The following PRR14L variants were observed in gnomAD, a reference collection of about 807,000 sequenced individuals.
PRR14L encodes the protein proline rich 14 like.
In PRR14L, 80 loss-of-function variants were observed where a neutral mutation model predicts 155.0. That is an observed-to-expected ratio of 0.52 (90% CI 0.43 to 0.62). The LOEUF (loss-of-function observed/expected upper bound fraction) is 0.62. Ranked by LOEUF, PRR14L falls within the 20% of genes least tolerant of loss-of-function variation. The pLI, the probability that PRR14L is intolerant of heterozygous loss-of-function variation, is 0.00. For missense variants in PRR14L, 2,469 were observed against 2,548.0 expected (o/e 0.97, Z 0.67); for synonymous variants, 883 against 916.0 (o/e 0.96, Z 0.65).
chr22:31,701,893 G>C (rs1786805677), intron 6 of PRR14L, 131 bp from the exon 7 acceptor site: 3 of 638,888 alleles, frequency 4.7e-6, no homozygotes, highest in South Asian at 4.3e-5. Flanking sequence ...CTGCAGCCTT[G>C]AATTCCTGGA....
At chr22:31,701,400 C>T (rs987774362) in intron 7 of PRR14L, among the ~76,000 whole-genome samples, 2 of 152,164 alleles carry the variant, frequency 1.3e-5, no homozygotes, top group Non-Finnish European at 2.9e-5. Context: ...CTGTGACACA[C>T]AGAAATCACA....
At position 31,716,191 on chromosome 22, in the gene PRR14L, T is replaced by G; in HGVS notation, c.1648A>C (p.Asn550His). 6.4e-7 allele frequency: 1 copy of G among 1,551,446 alleles called. No individual in the cohort carries two copies. The highest frequency in any genetic ancestry group is 8.7e-7 in the Non-Finnish European group (1 of 1,146,798). ...TTTAACTGGGTGTTGCCTTCCAGAT[T>G]TCTCTGGATGCTGACTAAGGAGTTA... Reference protein sequence around the residue: ...DCNSLVSIQRNLEGNTQLNEA... With the variant: ...DCNSLVSIQRHLEGNTQLNEA... Residue 550 changes from asparagine (N) to histidine (H), a missense_variant, in exon 4 of 9, where the codon AAT becomes CAT. Physicochemically the swap from Asn to His is moderately conservative, Grantham distance 68. This residue lies in a region of PRR14L where 2,363 missense variants were observed against 2,371.6 expected (regional missense o/e 1.00). Coordinates refer to ENST00000327423, the MANE Select transcript of PRR14L (RefSeq NM_173566.3).
Position 31,684,870 on chromosome 22 carries a change from A to C in PRR14L, c.*657T>G, listed in dbSNP as rs2074474651. On this transcript the variant is annotated 3_prime_UTR_variant, in exon 9 of 9. Transcript: ENST00000327423. ...AATAATCCACACCACAACATTAAAA[A>C]GTGCAACTTACTTCGAATGGGGCCT... The C allele has an allele frequency of 6.6e-6, 1 of 152,272 alleles. No individual in the cohort carries two copies. Among genetic ancestry groups the C allele is most frequent in the African/African-American group, 2.4e-5 (1 of 41,476 alleles). The allele number at this position is 152,272 out of a possible 1,614,324, so 9.4% of individuals were successfully genotyped here. A position where few individuals can be genotyped will look rare whatever the true frequency, so the allele number is the denominator to read the frequency against.
chr22:31,685,927 C>T (rs1229678270), intron 8 of PRR14L, 124 bp from the exon 9 acceptor site: 3 of 847,692 alleles, frequency 3.5e-6, no homozygotes, highest in Non-Finnish European at 5.4e-6. Context: ...AAGCTACTTG[C>T]GCCAACTCTT....
rs966206563 is a variant in PRR14L, at chr22:31,713,825, G to A, written c.4014C>T (p.Thr1338=). 3.6e-5 allele frequency: 56 copies of A among 1,552,190 alleles called. No homozygotes were observed. The Admixed American group carries it at 8.0e-4, about 22-fold the overall frequency. Residue 1338 remains threonine, a synonymous_variant, in exon 4 of 9, where the codon ACC becomes ACT. Transcript: ENST00000327423. ...KTDIKVKGEE[T]EEHQRGRLGY... ...CCAGTCGTCCCCTCTGATGCTCTTC[G>A]GTTTCTTCTCCTTTCACTTTAATAT...
chr22:31,682,063 G>A lies in PRR14L; in HGVS notation c.*3464C>T, dbSNP rs1320602173. The A allele has an allele frequency of 2.6e-5, 4 of 152,214 alleles. No individual in the cohort carries two copies. The highest frequency in any genetic ancestry group is 5.9e-5 in the Non-Finnish European group (4 of 68,052). 9.4% of individuals were successfully genotyped at this position (152,214 alleles called of 1,614,324 possible). A position where few individuals can be genotyped will look rare whatever the true frequency, so the allele number is the denominator to read the frequency against. Reference sequence around the variant, plus strand: ...TCTTTCGCAGATCTTAATGTACATGGCATTGATTATGAGACGGAATTCCAG... The same window carrying A: ...TCTTTCGCAGATCTTAATGTACATGACATTGATTATGAGACGGAATTCCAG... On this transcript the variant is annotated 3_prime_UTR_variant, in exon 9 of 9. Coordinates refer to ENST00000327423, the MANE Select transcript of PRR14L (RefSeq NM_173566.3).
intron 2 of PRR14L, among the ~76,000 whole-genome samples, chr22:31,727,692 T>C (rs2074724174): frequency 6.6e-6 from 1 of 152,034 alleles, no homozygotes; most frequent in African/African-American, 2.4e-5. Flanking sequence ...AGAAATTGAA[T>C]GAATCAGGGC....
Position 31,716,911 on chromosome 22 carries a change from C to G in PRR14L, c.928G>C (p.Asp310His). The change falls in exon 4 of 9, where the codon GAC (aspartate) becomes CAC (histidine). Residue 310 changes from aspartate to histidine, a missense_variant. By Grantham distance (81) the Asp-to-His change is moderately conservative. Around this residue, in one of 2 missense-constraint regions of PRR14L, gnomAD observed 2,363 missense variants for 2,371.6 expected, o/e 1.00. Transcript: ENST00000327423. Reference sequence around the variant, plus strand: ...TGGCCATGAAGCTGTTGGTGATTGTCATCTGCTTCACAGACCAGGTTTGGT... The same window carrying G: ...TGGCCATGAAGCTGTTGGTGATTGTGATCTGCTTCACAGACCAGGTTTGGT... The part of the protein sequence containing the change: ...CKPNLVCEAD[D>H]NHQQLHGHHN... 1.3e-6 allele frequency: 2 copies of G among 1,552,026 alleles called. No individual in the cohort carries two copies. The highest frequency in any genetic ancestry group is 1.7e-6 in the Non-Finnish European group (2 of 1,147,066).
intron 3 of PRR14L, among the ~76,000 whole-genome samples, chr22:31,722,465 T>G (rs981079862): frequency 5.7e-5 from 8 of 141,516 alleles, no homozygotes; most frequent in East Asian, 2.0e-4. Context: ...TGGGGCAGAG[T>G]GAAGATTTTG....
chr22:31,688,187 T>C lies in PRR14L; in HGVS notation c.6148A>G (p.Asn2050Asp). The C allele has an allele frequency of 6.2e-7, 1 of 1,605,134 alleles. No individual in the cohort carries two copies. Among genetic ancestry groups the C allele is most frequent in the Non-Finnish European group, 8.5e-7 (1 of 1,176,414 alleles). Residue 2050 changes from asparagine (N) to aspartate (D), a missense_variant, in exon 8 of 9, where the codon AAC (asparagine) becomes GAC (aspartate). This residue lies in a region of PRR14L where 106 missense variants were observed against 176.4 expected (regional missense o/e 0.60). Transcript: ENST00000327423. ...GCAGGAGGAGATTTATAATTCTTGTTGGTATATATCTCTTCTAAACTAAAC... is the reference window on the plus strand; with the variant it reads ...GCAGGAGGAGATTTATAATTCTTGTCGGTATATATCTCTTCTAAACTAAAC... ...KEFSLEEIYT[N>D]KNYKSPPANR... is the part of the protein sequence containing the mutation.
In PRR14L at chr22:31,712,139, G is replaced by T. The variant is rs367567432; in HGVS notation, c.5700C>A (p.Ile1900=). 2.7e-5 allele frequency: 44 copies of T among 1,613,976 alleles called. 1 individual carries two copies. The highest frequency in any genetic ancestry group is 3.6e-5 in the Non-Finnish European group (42 of 1,180,020). The change falls in exon 4 of 9, where the codon ATC becomes ATA. Residue 1900 remains isoleucine, a synonymous_variant. Transcript: ENST00000327423. ...TGCAGTGAGGGGAATGAAGAGAAGA[G>T]ATTTCGAAGGAGCAGACAGAAGGAC... The part of the protein sequence containing the change: ...QHGPSVCSFE[I]SSLHSPHCKR...
chr22:31,737,716 T>A (rs2074789965), intron 2 of PRR14L, among the ~76,000 whole-genome samples: 1 of 151,932 alleles, frequency 6.6e-6, no homozygotes, highest in African/African-American at 2.4e-5. Context: ...CTGGGTATAA[T>A]TTCAAGCACA....
At chr22:31,701,491 T>A (rs185737649) in intron 7 of PRR14L, among the ~76,000 whole-genome samples, 165 bp downstream of exon 7, 1 of 152,352 alleles carries the variant, frequency 6.6e-6, no homozygotes, top group Admixed American at 6.5e-5. Flanking sequence ...TATTAAAATG[T>A]CCTTGCTTAT....
At chr22:31,688,925 C>CAAAA (rs1556449275) in intron 7 of PRR14L, among the ~76,000 whole-genome samples, 1 of 151,236 alleles carries the variant, frequency 6.6e-6, no homozygotes, top group African/African-American at 2.4e-5. Context: ...CACACACACA[C>CAAAA]AAAAACCCTT....
intron 3 of PRR14L, among the ~76,000 whole-genome samples, chr22:31,718,596 C>T (rs181480462): frequency 6.8e-6 from 1 of 147,684 alleles, no homozygotes; most frequent in Admixed American, 6.6e-5. Flanking sequence ...GACGGGGTTT[C>T]ACCATGTTGG....
Position 31,684,606 on chromosome 22 carries a change from G to C in PRR14L, c.*921C>G, listed in dbSNP as rs2074472879. The C allele has an allele frequency of 6.6e-6, 1 of 152,140 alleles. No homozygotes were observed. The highest frequency in any genetic ancestry group is 6.6e-5 in the Admixed American group (1 of 15,236). The allele number at this position is 152,140 out of a possible 1,614,324, so 9.4% of individuals were successfully genotyped here. ...AATGAGAACCCAGATGAAAAAAAGT[G>C]CTCCCTCTAATGAGTTACACTAGAA... On this transcript the variant is annotated 3_prime_UTR_variant, in exon 9 of 9. Coordinates refer to ENST00000327423, the MANE Select transcript of PRR14L (RefSeq NM_173566.3).
At chr22:31,686,650 T>C (rs2074483963) in intron 8 of PRR14L, among the ~76,000 whole-genome samples, 1 of 152,086 alleles carries the variant, frequency 6.6e-6, no homozygotes, top group Admixed American at 6.6e-5. Flanking sequence ...CTCAGGCTGG[T>C]CTCCAACTCA....
intron 4 of PRR14L, among the ~76,000 whole-genome samples, chr22:31,708,062 T>C (rs1389993518): frequency 6.6e-6 from 1 of 151,668 alleles, no homozygotes; most frequent in Non-Finnish European, 1.5e-5. Context: ...AGTGGGAGAA[T>C]CGCTTGAACC....
chr22:31,708,895 C>T (rs1184640552), intron 4 of PRR14L, among the ~76,000 whole-genome samples: 2 of 151,990 alleles, frequency 1.3e-5, no homozygotes, highest in Non-Finnish European at 2.9e-5. Context: ...GGTGCAATCT[C>T]GGCTCAGCAC....
Sources: gnomAD v4.1 joint callset for allele counts (sites outside exome capture counted in the v4.1 genomes callset) on GRCh38, gnomAD v4.1.1 for gene constraint, gnomAD v4.1.1 regional missense constraint, MANE v1.5 for transcripts, NCBI Gene and HGNC (gene_info 2026-07-23, HGNC 2026-07-21) for gene names.